Variants in PFKFB1 observed in about 807,000 individuals in gnomAD.
PFKFB1 encodes 6-phosphofructo-2-kinase/fructose-2,6-biphosphatase 1.
In PFKFB1, 34 loss-of-function variants were observed where a neutral mutation model predicts 46.4. The ratio of observed to expected loss-of-function variants is 0.73; its 90% CI spans 0.56 to 0.98. The LOEUF (loss-of-function observed/expected upper bound fraction) is 0.98, where lower values mean the gene tolerates loss of function less well. Ranked by LOEUF, PFKFB1 falls within the 50% of genes least tolerant of loss-of-function variation. The pLI is 0.00. For missense variants in PFKFB1, 393 were observed against 376.3 expected, an observed-to-expected ratio of 1.04 and a Z score of -0.37; for synonymous variants, 119 against 133.8, an observed-to-expected ratio of 0.89 and a Z score of 0.76.
At chrX:54,991,530 T>C (rs867557441) in intron 1 of PFKFB1, among the ~76,000 whole-genome samples, 2 of 82,626 alleles carry the variant, frequency 2.4e-5, no homozygotes, top group African/African-American at 9.1e-5. Flanking sequence ...TCTCTCCCTC[T>C]CTCTCTCTCT....
intron 1 of PFKFB1, among the ~76,000 whole-genome samples, chrX:54,987,367 G>A (rs73214615): frequency 0.028 from 3,098 of 111,332 alleles, 50 homozygotes; most frequent in Non-Finnish European, 0.047. Context: ...AACATTTAAA[G>A]AATAATACGA....
chrX:54,942,679 G>A (rs897857653), intron 10 of PFKFB1, among the ~76,000 whole-genome samples: 1 of 110,855 alleles, frequency 9.0e-6, no homozygotes, highest in African/African-American at 3.3e-5. Flanking sequence ...GAAACAAGAA[G>A]AGAACCCTAA....
chrX:54,947,315 C>T (rs1040173538), intron 9 of PFKFB1, among the ~76,000 whole-genome samples: 4 of 111,661 alleles, frequency 3.6e-5, no homozygotes, highest in African/African-American at 1.3e-4. Flanking sequence ...CTGTTTATTC[C>T]TCTGTCTACC....
intron 8 of PFKFB1, among the ~76,000 whole-genome samples, chrX:54,949,617 G>A (rs994433786): frequency 3.6e-5 from 4 of 112,119 alleles, no homozygotes; most frequent in Non-Finnish European, 7.5e-5. Flanking sequence ...ACTTCTACGT[G>A]CCTTTAGTAC....
At chrX:54,935,310 C>A (rs1221645319) in intron 11 of PFKFB1, among the ~76,000 whole-genome samples, 2 of 111,740 alleles carry the variant, frequency 1.8e-5, no homozygotes, top group Non-Finnish European at 3.8e-5. Context: ...ACAAATGAGA[C>A]CCAGGCAGGC....
At chrX:54,967,269 T>A (rs1312451039) in intron 1 of PFKFB1, among the ~76,000 whole-genome samples, 2 of 112,078 alleles carry the variant, frequency 1.8e-5, no homozygotes, top group East Asian at 5.6e-4. Context: ...TGAGATTACA[T>A]TAAATTATCT....
intron 1 of PFKFB1, among the ~76,000 whole-genome samples, chrX:54,993,163 G>A (rs1935287981): frequency 8.9e-6 from 1 of 111,855 alleles, no homozygotes; most frequent in African/African-American, 3.3e-5. Context: ...CACCACTGTC[G>A]CCTGTTATCT....
Position 54,933,335 on chromosome X carries a change from G to A in PFKFB1, c.*68C>T, listed in dbSNP as rs946561708. ...GAGGCCAAGGCAGAGTAGGAGAAGA[G>A]CAAAGATAGCATTTCCTAAAGGTGG... On this transcript the variant is annotated 3_prime_UTR_variant, in exon 14 of 14. Transcript: ENST00000375006. 14 of 941,296 alleles carry A rather than the reference G, an allele frequency of 1.5e-5. No individual in the cohort carries two copies. The highest frequency in any genetic ancestry group is 3.1e-5 in the East Asian group (1 of 32,461). The allele number at this position is 941,296 out of a possible 1,213,427, so 77.6% of individuals were successfully genotyped here.
rs753922433 is a variant in PFKFB1 at position 54,937,733 on chromosome X, AAGAG to A, written c.1099-13_1099-10del. ...ACCAGATCCTCATAGGACTAAACGT[AAGAG>A]AGATACTTGAGTGAGAAAGGAAGAT... On this transcript the variant is annotated splice_polypyrimidine_tract_variant and intron_variant, in intron 10 of 13. Coordinates refer to ENST00000375006, the MANE Select transcript of PFKFB1 (RefSeq NM_002625.4). 12 of 1,200,306 alleles carry A rather than the reference AAGAG, an allele frequency of 1.0e-5. No homozygotes were observed. Among genetic ancestry groups the A allele is most frequent in the Non-Finnish European group, 1.4e-5 (12 of 888,508 alleles).
intron 10 of PFKFB1, among the ~76,000 whole-genome samples, chrX:54,942,880 T>C (rs777962018): frequency 3.6e-4 from 40 of 111,382 alleles, no homozygotes; most frequent in African/African-American, 8.5e-4. Context: ...GTGTATGGGG[T>C]AAGGAGCATA....
At chrX:54,975,511 G>T (rs1184326585) in intron 1 of PFKFB1, among the ~76,000 whole-genome samples, 5 of 111,102 alleles carry the variant, frequency 4.5e-5, no homozygotes, top group African/African-American at 1.6e-4. Context: ...AGTGATAAAA[G>T]ACTGCACATT....
intron 1 of PFKFB1, among the ~76,000 whole-genome samples, chrX:54,972,002 CTT>C (rs1453885512): frequency 9.0e-6 from 1 of 111,427 alleles, no homozygotes; most frequent in Admixed American, 9.5e-5. Context: ...TTTGTGTCCT[CTT>C]TTATTTCATT....
At chrX:54,967,169 C>A (rs1934500612) in intron 1 of PFKFB1, among the ~76,000 whole-genome samples, 1 of 112,000 alleles carries the variant, frequency 8.9e-6, no homozygotes, top group Non-Finnish European at 1.9e-5. Context: ...ACAATACTCA[C>A]AATGTCCAGG....
At chrX:54,950,172 A>G (rs1158072987) in intron 8 of PFKFB1, among the ~76,000 whole-genome samples, 1 of 112,615 alleles carries the variant, frequency 8.9e-6, no homozygotes, top group East Asian at 2.8e-4. Context: ...CCAGGCACAC[A>G]TTTCTATATG....
intron 1 of PFKFB1, among the ~76,000 whole-genome samples, chrX:54,968,333 A>C: frequency 2.2e-5 from 1 of 46,206 alleles, no homozygotes; most frequent in African/African-American, 9.0e-5. Context: ...GGGTGGGGGG[A>C]GGGGGGAGGG....
chrX:54,953,561 C>A (rs1427807231), intron 7 of PFKFB1, among the ~76,000 whole-genome samples: 1 of 111,793 alleles, frequency 8.9e-6, no homozygotes, highest in Non-Finnish European at 1.9e-5. Flanking sequence ...GCCACCTTCT[C>A]GGGAAGAAGA....
intron 1 of PFKFB1, among the ~76,000 whole-genome samples, chrX:54,973,430 G>A (rs1934742194): frequency 9.0e-6 from 1 of 111,254 alleles, no homozygotes; most frequent in East Asian, 2.8e-4. Flanking sequence ...TAATTGTGAT[G>A]TTAGGGTGTC....
chrX:54,962,130 T>C (rs1024912036), intron 2 of PFKFB1, among the ~76,000 whole-genome samples: 2 of 110,101 alleles, frequency 1.8e-5, no homozygotes, highest in Non-Finnish European at 3.8e-5. Context: ...GTGAAGAAGA[T>C]AGAAAGCAGG....
chrX:54,977,760 G>A (rs968977737), intron 1 of PFKFB1, among the ~76,000 whole-genome samples: 7 of 110,468 alleles, frequency 6.3e-5, no homozygotes, highest in African/African-American at 2.3e-4. Flanking sequence ...AGAAGAGGCT[G>A]GTGTTATCTT....
Sources: gnomAD v4.1 joint callset for allele counts (sites outside exome capture counted in the v4.1 genomes callset) on GRCh38, gnomAD v4.1.1 for gene constraint, MANE v1.5 for transcripts, NCBI Gene and HGNC (gene_info 2026-07-23, HGNC 2026-07-21) for gene names.